CDK19: variants seen among roughly 807,000 people sequenced by gnomAD.
CDK19 encodes cyclin dependent kinase 19, also known as cyclin-dependent kinase 19.
A neutral mutation model predicts 68.3 loss-of-function variants in CDK19; 20 were observed. That is an observed-to-expected ratio of 0.29 (90% CI 0.21 to 0.43). The LOEUF is 0.43. Among genes scored for constraint, CDK19 ranks in the 20% least tolerant of loss-of-function variants. CDK19 has a pLI of 1.00. For missense variants in CDK19, 339 were observed against 623.5 expected (o/e 0.54, Z 4.86); for synonymous variants, 221 against 222.8 (o/e 0.99, Z 0.07).
At chr6:110,740,810 C>T (rs1431611001) in intron 2 of CDK19, among the ~76,000 whole-genome samples, 1 of 152,128 alleles carries the variant, frequency 6.6e-6, no homozygotes, top group Non-Finnish European at 1.5e-5. Flanking sequence ...AGAGAACAAG[C>T]CCTATCTACT....
chr6:110,811,171 A>G lies in CDK19; in HGVS notation c.128+3838T>C, dbSNP rs547927015. ...TTCTAATCCTCTGATGATACTGACA[A>G]ATCTTTAATCTTCTGTAAGTGTCCA... On this transcript the variant is annotated intron_variant, in intron 1 of 12. Transcript: ENST00000368911. 2.6e-5 allele frequency among the ~76,000 whole-genome samples: 4 copies of G among 152,316 alleles called. No homozygotes were observed. In the East Asian group the frequency reaches 5.8e-4, roughly 22 times the overall value.
intron 2 of CDK19, among the ~76,000 whole-genome samples, chr6:110,685,621 T>A (rs887414343): frequency 1.3e-5 from 2 of 152,222 alleles, no homozygotes; most frequent in Admixed American, 1.3e-4. Flanking sequence ...TCTTCTAATA[T>A]ACTCTATGTA....
chr6:110,686,691 T>C (rs1193415023), intron 2 of CDK19, among the ~76,000 whole-genome samples: 1 of 152,242 alleles, frequency 6.6e-6, no homozygotes, highest in African/African-American at 2.4e-5. Flanking sequence ...ACTGCCATTA[T>C]CAAGCACCTA....
intron 2 of CDK19, among the ~76,000 whole-genome samples, chr6:110,693,145 G>A (rs1217836357): frequency 3.3e-5 from 5 of 152,226 alleles, no homozygotes; most frequent in African/African-American, 9.6e-5. Context: ...ACAGAACAGC[G>A]TGTGGAGACT....
At chr6:110,695,293 A>C (rs1274089794) in intron 2 of CDK19, among the ~76,000 whole-genome samples, 1 of 152,226 alleles carries the variant, frequency 6.6e-6, no homozygotes, top group Non-Finnish European at 1.5e-5. Context: ...AAATTTAAAA[A>C]TTCTTTCAAC....
chr6:110,781,201 C>A (rs1462110232), intron 1 of CDK19, among the ~76,000 whole-genome samples: 3 of 152,170 alleles, frequency 2.0e-5, no homozygotes, highest in African/African-American at 7.2e-5. Context: ...GCATCTGCTT[C>A]CGATGAGGGC....
At chr6:110,769,781 T>G (rs781587318) in intron 1 of CDK19, among the ~76,000 whole-genome samples, 29 of 152,110 alleles carry the variant, frequency 1.9e-4, no homozygotes, top group Non-Finnish European at 4.0e-4. Context: ...TGAGGAGTAT[T>G]CCTATGTCTT....
At chr6:110,712,890 T>C (rs1448066110) in intron 2 of CDK19, among the ~76,000 whole-genome samples, 1 of 152,132 alleles carries the variant, frequency 6.6e-6, no homozygotes, top group Non-Finnish European at 1.5e-5. Context: ...GTAAACAGTT[T>C]GAGACATACT....
chr6:110,746,112 T>C lies in CDK19; in HGVS notation c.204+14A>G. The C allele has an allele frequency of 4.1e-6, 6 of 1,463,898 alleles. No homozygotes were observed. The highest frequency in any genetic ancestry group is 2.0e-5 in the Admixed American group (1 of 49,618). 90.7% of individuals were successfully genotyped at this position (1,463,898 alleles called of 1,614,324 possible). ...TCAATAATAAAATAAATAACTGTATTTGTATCCACTTACTGCAATCTCTCT... is the reference window on the plus strand; with the variant it reads ...TCAATAATAAAATAAATAACTGTATCTGTATCCACTTACTGCAATCTCTCT... On this transcript the variant is annotated intron_variant, in intron 2 of 12. Transcript: ENST00000368911.
At chr6:110,691,776 TA>T (rs1188084677) in intron 2 of CDK19, among the ~76,000 whole-genome samples, 23 of 151,082 alleles carry the variant, frequency 1.5e-4, no homozygotes, top group African/African-American at 4.8e-4. Flanking sequence ...GCCTCCTGAG[TA>T]GCTGGGATTA....
chr6:110,717,392 T>C (rs1775491879), intron 2 of CDK19, among the ~76,000 whole-genome samples: 2 of 152,158 alleles, frequency 1.3e-5, no homozygotes, highest in Non-Finnish European at 2.9e-5. Flanking sequence ...GTGGACATAT[T>C]ATATATTTCA....
intron 2 of CDK19, among the ~76,000 whole-genome samples, chr6:110,713,529 C>T (rs1160897148): frequency 6.6e-6 from 1 of 150,440 alleles, no homozygotes; most frequent in Non-Finnish European, 1.5e-5. Flanking sequence ...GTCTCAGCCT[C>T]CTGAGTAGCT....
At chr6:110,716,665 C>T (rs1775423512) in intron 2 of CDK19, among the ~76,000 whole-genome samples, 1 of 151,982 alleles carries the variant, frequency 6.6e-6, no homozygotes. Flanking sequence ...AAACATGAAA[C>T]AGTGCTCAGG....
chr6:110,624,466 A>G (rs2114648883), intron 8 of CDK19, among the ~76,000 whole-genome samples: 1 of 152,336 alleles, frequency 6.6e-6, no homozygotes, highest in East Asian at 1.9e-4. Context: ...GAAAGTATAG[A>G]AGAAAATTAA....
intron 2 of CDK19, among the ~76,000 whole-genome samples, chr6:110,672,133 C>T (rs991571691): frequency 2.0e-5 from 3 of 152,178 alleles, no homozygotes; most frequent in African/African-American, 7.2e-5. Context: ...AGCCTTGAAG[C>T]ACTTACACTG....
Position 110,621,869 on chromosome 6 carries a change from G to C in CDK19, c.1110+219C>G, listed in dbSNP as rs117881411. Among the ~76,000 whole-genome samples the C allele has an allele frequency of 2.3e-3, 348 of 152,270 alleles. 1 individual carries two copies. The highest frequency in any genetic ancestry group is 0.01 in the Middle Eastern group (3 of 294). The stretch of plus-strand genomic sequence containing the variant: ...TGGGAATCCGGGAGTAGAACTGGCT[G>C]TAACACACACCGGAAGCTCAGGTAT... On this transcript the variant is annotated intron_variant, in intron 11 of 12. Transcript: ENST00000368911. The surrounding 1 kb of genome is among the most constrained non-coding windows in gnomAD (Gnocchi z 5.4).
intron 2 of CDK19, among the ~76,000 whole-genome samples, chr6:110,720,988 A>G (rs1775835249): frequency 1.3e-5 from 2 of 152,124 alleles, no homozygotes; most frequent in African/African-American, 4.8e-5. Context: ...CTGTAATCCC[A>G]GCACTTTGGG....
intron 1 of CDK19, among the ~76,000 whole-genome samples, chr6:110,767,907 A>G (rs984803062): frequency 6.6e-6 from 1 of 152,180 alleles, no homozygotes; most frequent in African/African-American, 2.4e-5. Flanking sequence ...AATACAAGCC[A>G]TTGACTGGGA....
intron 9 of CDK19, 58 bp from the exon 10 acceptor site, chr6:110,622,970 C>A: frequency 9.4e-7 from 1 of 1,061,160 alleles, no homozygotes; most frequent in Non-Finnish European, 1.5e-6. Context: ...AAGTCAACAC[C>A]TTGTCTTTTG....
Sources: allele counts gnomAD v4.1 joint callset (sites outside exome capture counted in the v4.1 genomes callset), GRCh38; gene constraint gnomAD v4.1.1; non-coding constraint Gnocchi (gnomAD v3.1); transcripts MANE v1.5; gene names NCBI Gene and HGNC (gene_info 2026-07-23, HGNC 2026-07-21).